Variants in TMPRSS9 observed in about 807,000 individuals in gnomAD.
TMPRSS9 encodes transmembrane protease serine 9.
A neutral mutation model predicts 111.4 loss-of-function variants in TMPRSS9; 113 were observed. The observed-to-expected ratio is 1.01, with a 90% CI of 0.87 to 1.19. The LOEUF is 1.19. Ranked by LOEUF, TMPRSS9 falls within the 50% of genes most tolerant of loss-of-function variation. TMPRSS9 has a pLI of 0.00. For missense variants in TMPRSS9, 1,803 were observed against 1,513.1 expected, an observed-to-expected ratio of 1.19 and a Z score of -3.18; for synonymous variants, 805 against 659.1, an observed-to-expected ratio of 1.22 and a Z score of -3.39.
chr19:2,408,507 C>G, exon 8 of TMPRSS9: 1 of 1,613,912 alleles, frequency 6.2e-7, no homozygotes, highest in Admixed American at 1.7e-5. Context: ...TGTGCTGGAG[C>G]TGACCAGCCC....
chr19:2,384,684 G>A (rs1044869741), intron 1 of TMPRSS9, among the ~76,000 whole-genome samples: 50 of 151,804 alleles, frequency 3.3e-4, no homozygotes, highest in Non-Finnish European at 6.2e-4. Flanking sequence ...GCGTGGTGGC[G>A]GGCGCCTGTA....
At chr19:2,369,179 G>A (rs1183286804) in intron 1 of TMPRSS9, among the ~76,000 whole-genome samples, 3 of 151,958 alleles carry the variant, frequency 2.0e-5, no homozygotes, top group Non-Finnish European at 2.9e-5. Context: ...TCAAACTCCT[G>A]ACTTCAGGTG....
intron 7 of TMPRSS9, among the ~76,000 whole-genome samples, chr19:2,406,511 A>G (rs886853498): frequency 4.9e-5 from 7 of 143,856 alleles, no homozygotes; most frequent in Non-Finnish European, 7.6e-5. Context: ...TTTTTTGTAT[A>G]ATTAGTAGAG....
At chr19:2,362,133 G>A (rs1276984244) in intron 1 of TMPRSS9, among the ~76,000 whole-genome samples, 1 of 152,088 alleles carries the variant, frequency 6.6e-6, no homozygotes, top group Non-Finnish European at 1.5e-5. Flanking sequence ...GATCGTTTAT[G>A]TTGTGTAATT....
chr19:2,405,621 A>G (rs1970952718), intron 7 of TMPRSS9, 76 bp downstream of exon 8: 4 of 1,398,078 alleles, frequency 2.9e-6, no homozygotes, highest in Non-Finnish European at 2.8e-6. Flanking sequence ...TGGGGACGTC[A>G]CTTCTGGTTT....
At chr19:2,425,888 G>C (rs755211126) in intron 17 of TMPRSS9, 39 bp from the exon 19 acceptor site, 4 of 1,552,390 alleles carry the variant, frequency 2.6e-6, no homozygotes, top group African/African-American at 1.4e-5. Context: ...TGTAGGGGAG[G>C]TACCGGCCTC....
At chr19:2,370,619 A>G (rs1271547014) in intron 1 of TMPRSS9, among the ~76,000 whole-genome samples, 6 of 152,130 alleles carry the variant, frequency 3.9e-5, no homozygotes, top group Non-Finnish European at 7.4e-5. Context: ...GTGAGCCACC[A>G]CGCCCAGCCA....
chr19:2,370,952 A>T (rs1346828688), intron 1 of TMPRSS9, among the ~76,000 whole-genome samples: 3 of 152,052 alleles, frequency 2.0e-5, no homozygotes, highest in African/African-American at 7.2e-5. Flanking sequence ...ACAGAGCCAG[A>T]CCCTATCTCA....
At chr19:2,377,449 T>TCCC in intron 1 of TMPRSS9, among the ~76,000 whole-genome samples, 1 of 114,958 alleles carries the variant, frequency 8.7e-6, no homozygotes, top group Admixed American at 8.9e-5. Context: ...TTTCTTTCCT[T>TCCC]CTCCCCTCCC....
At chr19:2,390,257 T>TTTC (rs1177453904) in intron 1 of TMPRSS9, among the ~76,000 whole-genome samples, 1 of 116,086 alleles carries the variant, frequency 8.6e-6, no homozygotes, top group African/African-American at 3.2e-5. Flanking sequence ...TTTTTTTTTT[T>TTTC]TGAGACGGAG....
intron 13 of TMPRSS9, 150 bp downstream of exon 14, chr19:2,418,288 CT>C (rs1971310576): frequency 5.6e-6 from 4 of 718,328 alleles, no homozygotes; most frequent in African/African-American, 4.1e-5. Context: ...TTTTCCTTTC[CT>C]CCTTTCCTTC....
At chr19:2,421,698 G>T (rs1022875828) in intron 13 of TMPRSS9, among the ~76,000 whole-genome samples, 156 bp from the exon 15 acceptor site, 32 of 152,166 alleles carry the variant, frequency 2.1e-4, no homozygotes, top group African/African-American at 7.7e-4. Context: ...CACACAGCCA[G>T]GCATGGGGCT....
chr19:2,388,220 C>G (rs940035847), upstream of TMPRSS9, among the ~76,000 whole-genome samples: 1 of 152,000 alleles, frequency 6.6e-6, no homozygotes, highest in Non-Finnish European at 1.5e-5. Context: ...AGGAAGACTC[C>G]CTCTCTACAA....
At chr19:2,373,125 G>A (rs768987692) in intron 1 of TMPRSS9, among the ~76,000 whole-genome samples, 2 of 151,872 alleles carry the variant, frequency 1.3e-5, no homozygotes, top group Admixed American at 6.6e-5. Flanking sequence ...GAGCCACTGC[G>A]CCCAGCCAGA....
Position 2,418,411 on chromosome 19 carries a change from T to C in TMPRSS9, c.2154+273T>C, listed in dbSNP as rs1971335201. 1.2e-4 allele frequency among the ~76,000 whole-genome samples: 3 copies of C among 25,734 alleles called. 1 individual carries two copies. Among genetic ancestry groups the C allele is most frequent in the African/African-American group, 5.3e-4 (3 of 5,676 alleles). 16.9% of individuals were successfully genotyped at this position (25,734 alleles called of 152,430 possible). On this transcript the variant is annotated intron_variant, in intron 13 of 17. Coordinates refer to ENST00000648592, the Ensembl canonical transcript of TMPRSS9. ...CTTCCCTCCCTGGCCTTTCCTTCCA[T>C]TCCTTCCCTCCCTCCCTTTCCTTCC...
chr19:2,425,415 C>A lies in TMPRSS9; in HGVS notation c.3042C>A (p.Cys1014Ter). 1 of 1,579,482 alleles carries A rather than the reference C, an allele frequency of 6.3e-7. No individual in the cohort carries two copies. The highest frequency in any genetic ancestry group is 2.3e-5 in the East Asian group (1 of 43,052). Reference sequence around the variant, plus strand: ...TGCGCCTCCTCAGCGAGCAGACCTGCCGCCGCTTCTACCCAGTGCAGATCA... The same window carrying A: ...TGCGCCTCCTCAGCGAGCAGACCTGACGCCGCTTCTACCCAGTGCAGATCA... The change falls in exon 17 of 18, where the codon TGC becomes TGA. Residue 1014 changes from cysteine (C) to a stop codon, truncating the protein, a stop_gained. Coordinates refer to ENST00000648592, the Ensembl canonical transcript of TMPRSS9. LOFTEE classifies it high-confidence loss of function.
At chr19:2,364,000 A>C (rs73522371) in intron 1 of TMPRSS9, among the ~76,000 whole-genome samples, 69 of 152,068 alleles carry the variant, frequency 4.5e-4, no homozygotes, top group African/African-American at 1.4e-3. Flanking sequence ...CTACACCAAC[A>C]GGACGCTGTT....
At position 2,416,648 on chromosome 19, in the gene TMPRSS9, A is replaced by G. The variant is rs199964468; in HGVS notation, c.1856A>G (p.Asn619Ser). ...CGGGTAGTGCTGCACCCCCTCTACA[A>G]CCCTGGCATCCTGGACTTCGACCTG... Residue 619 changes from asparagine to serine, a missense_variant, in exon 12 of 18, where the codon AAC (asparagine) becomes AGC (serine). Asn to Ser is a conservative substitution (Grantham distance 46). Transcript: ENST00000648592. The G allele has an allele frequency of 3.5e-5, 57 of 1,612,662 alleles. No homozygotes were observed. The highest frequency in any genetic ancestry group is 2.2e-4 in the Admixed American group (13 of 59,962).
At chr19:2,382,579 CACAGAT>C (rs1568171743) in intron 1 of TMPRSS9, among the ~76,000 whole-genome samples, 1 of 144,724 alleles carries the variant, frequency 6.9e-6, no homozygotes, top group Admixed American at 7.1e-5. Flanking sequence ...CAGATGCACA[CACAGAT>C]GCACATGCAC....
Sources: allele counts gnomAD v4.1 joint callset (sites outside exome capture counted in the v4.1 genomes callset), GRCh38; gene constraint gnomAD v4.1.1; transcripts MANE v1.5; gene names NCBI Gene and HGNC (gene_info 2026-07-23, HGNC 2026-07-21).